CELF2: variants seen among roughly 807,000 people sequenced by gnomAD.
CELF2 encodes CUGBP Elav-like family member 2.
Under a neutral mutation model 62.6 loss-of-function variants are expected in CELF2, and 8 were observed. That is an observed-to-expected ratio of 0.13 (90% CI 0.07 to 0.23). The LOEUF is 0.23. Among genes scored for constraint, CELF2 ranks in the 10% least tolerant of loss-of-function variants. CELF2 has a pLI of 1.00. For synonymous variants in CELF2, 258 were observed against 250.0 expected (o/e 1.03, Z -0.30); for missense variants, 333 against 671.0 (o/e 0.50, Z 5.56).
At chr10:10,866,666 TGTG>T (rs1286918218) in intron 1 of CELF2, among the ~76,000 whole-genome samples, 5 of 148,688 alleles carry the variant, frequency 3.4e-5, no homozygotes, top group South Asian at 2.1e-4. Context: ...CTAATAAAAT[TGTG>T]GTGAGGGCCG....
At chr10:11,004,959 A>C (rs1372901692), upstream of CELF2, among the ~76,000 whole-genome samples, 1 of 152,212 alleles carries the variant, frequency 6.6e-6, no homozygotes, top group Non-Finnish European at 1.5e-5. The surrounding 1 kb of genome is among the most constrained non-coding windows in gnomAD (Gnocchi z 5.0). Context: ...GCAAAAGGCA[A>C]CTGGGAAATT....
At chr10:10,853,569 G>A (rs751900695) in intron 1 of CELF2, among the ~76,000 whole-genome samples, 14 of 152,012 alleles carry the variant, frequency 9.2e-5, no homozygotes, top group Non-Finnish European at 1.5e-4. Context: ...GGGAAACATG[G>A]TGGCTGGGAA....
At chr10:10,650,119 G>A in the CELF2 span, among the ~76,000 whole-genome samples, 1 of 152,216 alleles carries the variant, frequency 6.6e-6, no homozygotes, top group Admixed American at 6.5e-5. Flanking sequence ...GGGAATGATA[G>A]AGGACAGTGC....
chr10:11,213,478 C>T lies in CELF2; in HGVS notation c.272-3947C>T, dbSNP rs141970262. 5.9e-4 allele frequency among the ~76,000 whole-genome samples: 90 copies of T among 152,316 alleles called. No homozygotes were observed. In the Middle Eastern group the frequency reaches 0.017, roughly 29 times the overall value. ...GAAAATTTCATCCTTGTTGAGCCTT[C>T]GTGGTTTTTCAGGGATCTGTAGTAG... On this transcript the variant is annotated intron_variant, in intron 2 of 12. Coordinates refer to ENST00000633077, the MANE Select transcript of CELF2 (RefSeq NM_001326342.2).
the CELF2 span, among the ~76,000 whole-genome samples, chr10:10,575,719 T>C: frequency 6.6e-6 from 1 of 152,194 alleles, no homozygotes; most frequent in Non-Finnish European, 1.5e-5. Context: ...ACAGGTTTGG[T>C]GCAGAATAGA....
At chr10:11,197,020 G>GAA (rs1335495520) in intron 2 of CELF2, among the ~76,000 whole-genome samples, 96 of 9,494 alleles carry the variant, frequency 0.01, 11 homozygotes, top group Middle Eastern at 0.062. Flanking sequence ...AAGAAAGAAA[G>GAA]AAAGAAAAGA....
intron 7 of CELF2, 111 bp from the exon 8 acceptor site, chr10:11,274,946 G>C (rs2244576): frequency 0.93 from 886,250 of 958,006 alleles, 415,328 homozygotes; most frequent in East Asian, 0.97. Context: ...CATCAGTAGG[G>C]AGTAGCAACC....
At chr10:10,638,608 T>C in the CELF2 span, among the ~76,000 whole-genome samples, 1 of 152,188 alleles carries the variant, frequency 6.6e-6, no homozygotes. Context: ...GGGCACCCAT[T>C]GGTAGCATGA....
chr10:10,684,400 G>C, the CELF2 span, among the ~76,000 whole-genome samples: 1 of 152,268 alleles, frequency 6.6e-6, no homozygotes, highest in East Asian at 1.9e-4. Context: ...TCAGAATATG[G>C]AAAACGATTT....
At chr10:10,583,088 A>G in the CELF2 span, among the ~76,000 whole-genome samples, 1 of 152,200 alleles carries the variant, frequency 6.6e-6, no homozygotes, top group Non-Finnish European at 1.5e-5. Context: ...AGAAAGACAT[A>G]GGGGATAATG....
chr10:11,318,708 A>C lies in CELF2; in HGVS notation c.1097-2481A>C. The stretch of plus-strand genomic sequence containing the variant: ...TGTAAGAGAGAAACATTTTTGGCAA[A>C]AAGGAGAAAGAGTTCAAAGTAGGAA... On this transcript the variant is annotated intron_variant, in intron 10 of 12. Coordinates refer to ENST00000633077, the MANE Select transcript of CELF2 (RefSeq NM_001326342.2). This position sits in a 1 kb window ranked among gnomAD's most constrained non-coding sequence, Gnocchi z 5.4. 1 of 452,808 alleles carries C rather than the reference A, an allele frequency of 2.2e-6. No homozygotes were observed. Among genetic ancestry groups the C allele is most frequent in the Non-Finnish European group, 4.6e-6 (1 of 218,098 alleles). The allele number at this position is 452,808 out of a possible 1,614,324, so 28.0% of individuals were successfully genotyped here.
chr10:11,124,718 A>G (rs894542681), intron 1 of CELF2, among the ~76,000 whole-genome samples: 2 of 152,220 alleles, frequency 1.3e-5, no homozygotes, highest in Non-Finnish European at 2.9e-5. Context: ...CACAGCATTC[A>G]TGGTGCCTGA....
At position 11,319,069 on chromosome 10, in the gene CELF2, A is replaced by G. The variant is rs2095267096; in HGVS notation, c.1097-2120A>G. 2.1e-6 allele frequency: 1 copy of G among 470,618 alleles called. No individual in the cohort carries two copies. 29.2% of individuals were successfully genotyped at this position (470,618 alleles called of 1,614,324 possible). A position where few individuals can be genotyped will look rare whatever the true frequency, so the allele number is the denominator to read the frequency against. ...GCTCTGCAGGCTGCGAGGCACACCC[A>G]GAACCTCATGCCTTGAGATCCAAGC... is the stretch of plus-strand genomic sequence containing the variant. On this transcript the variant is annotated intron_variant, in intron 10 of 12. Coordinates refer to ENST00000633077, the MANE Select transcript of CELF2 (RefSeq NM_001326342.2). The surrounding 1 kb of genome is among the most constrained non-coding windows in gnomAD (Gnocchi z 4.4).
chr10:11,240,919 G>T (rs2073634799), intron 3 of CELF2, among the ~76,000 whole-genome samples: 1 of 152,090 alleles, frequency 6.6e-6, no homozygotes, highest in African/African-American at 2.4e-5. Flanking sequence ...CCTCAGGCTT[G>T]TGCTCCCACC....
At position 10,927,346 on chromosome 10, in the gene CELF2, T is replaced by TAAAAAAAAAAAA. The variant is rs34283995; in HGVS notation, c.89+7356_89+7367dup. The TAAAAAAAAAAAA allele has an allele frequency of 1.6e-3, 136 of 85,794 alleles. 3 individuals carry two copies. The highest frequency in any genetic ancestry group is 7.5e-3 in the African/African-American group (131 of 17,568). 5.3% of individuals were successfully genotyped at this position (85,794 alleles called of 1,614,324 possible). A position where few individuals can be genotyped will look rare whatever the true frequency, so the allele number is the denominator to read the frequency against. ...CACTCAAAGGAGAACCTAGTGACAT[T>TAAAAAAAAAAAA]AAAAAAAAAAAAAAAAAAAACACCT... On this transcript the variant is annotated intron_variant, in intron 2 of 13. Transcript: ENST00000636488.
rs141127324 is a variant in CELF2, at chr10:10,813,197, G to C, written c.53+14380G>C. Reference sequence around the variant, plus strand: ...CTGTGTTCAGATGTGCTGTCTCTGAGCTGGAGCTCTAATGTAAATCAGCTG... The same window carrying C: ...CTGTGTTCAGATGTGCTGTCTCTGACCTGGAGCTCTAATGTAAATCAGCTG... On this transcript the variant is annotated intron_variant, in intron 1 of 13. Transcript: ENST00000636488. Among the ~76,000 whole-genome samples the C allele has an allele frequency of 7.1e-4, 108 of 152,314 alleles. 1 individual carries two copies. The highest frequency in any genetic ancestry group is 2.5e-3 in the African/African-American group (102 of 41,570).
At chr10:10,521,433 T>G in the CELF2 span, among the ~76,000 whole-genome samples, 1 of 152,196 alleles carries the variant, frequency 6.6e-6, no homozygotes, top group African/African-American at 2.4e-5. Context: ...GTTTTCAGAT[T>G]AATCATAGCA....
At position 11,312,717 on chromosome 10, in the gene CELF2, C is replaced by T. The variant is rs568087125; in HGVS notation, c.977-1422C>T. On this transcript the variant is annotated intron_variant, in intron 9 of 12. Transcript: ENST00000633077. ...TTGGGAGGCCGAGGCGGGCGGATCA[C>T]GAGGTCAACAGATTGAGGCCATCCT... is the stretch of plus-strand genomic sequence containing the variant. Among the ~76,000 whole-genome samples, 19 of 152,284 alleles carry T rather than the reference C, an allele frequency of 1.2e-4. No individual in the cohort carries two copies. The South Asian group carries it at 3.1e-3, about 25-fold the overall frequency.
the CELF2 span, among the ~76,000 whole-genome samples, chr10:10,599,554 A>C: frequency 1.3e-5 from 2 of 152,198 alleles, no homozygotes; most frequent in African/African-American, 2.4e-5. Context: ...GTTGACAGTC[A>C]GAGAAACATT....
Sources: gnomAD v4.1 joint callset for allele counts (sites outside exome capture counted in the v4.1 genomes callset) on GRCh38, gnomAD v4.1.1 for gene constraint, Gnocchi (gnomAD v3.1) non-coding constraint, MANE v1.5 for transcripts, NCBI Gene and HGNC (gene_info 2026-07-23, HGNC 2026-07-21) for gene names.